Variants in AP3S2 observed in about 807,000 individuals in gnomAD.
AP3S2 encodes AP-3 complex subunit sigma-2.
A neutral mutation model predicts 23.4 loss-of-function variants in AP3S2; 22 were observed. The observed-to-expected ratio is 0.94, with a 90% confidence interval of 0.67 to 1.34. The LOEUF is 1.34. AP3S2 is among the 40% of genes most tolerant of loss of function. AP3S2 has a pLI of 0.00. For missense variants in AP3S2, 241 were observed against 236.9 expected (o/e 1.02, Z -0.11); for synonymous variants, 86 against 87.1 (o/e 0.99, Z 0.07).
chr15:89,842,056 G>A (rs1308064213), intron 4 of AP3S2, among the ~76,000 whole-genome samples: 6 of 152,052 alleles, frequency 3.9e-5, no homozygotes, highest in Non-Finnish European at 5.9e-5. Flanking sequence ...GTAGGGAGAC[G>A]AGAAGAGAAG....
At chr15:89,883,360 C>T (rs1896616616) in intron 3 of AP3S2, among the ~76,000 whole-genome samples, 1 of 151,834 alleles carries the variant, frequency 6.6e-6, no homozygotes, top group African/African-American at 2.4e-5. Flanking sequence ...TCACTCACTA[C>T]AAATGTTTGT....
chr15:89,891,645 T>C (rs7179633), intron 1 of AP3S2, among the ~76,000 whole-genome samples: 71,548 of 150,498 alleles, frequency 0.48, 17,213 homozygotes, highest in East Asian at 0.6. Context: ...TAGAGTGAGA[T>C]TCAGTCTCGG....
chr15:89,868,791 C>T (rs1896233775), intron 4 of AP3S2, among the ~76,000 whole-genome samples: 2 of 121,064 alleles, frequency 1.7e-5, no homozygotes, highest in Non-Finnish European at 1.7e-5. Flanking sequence ...CCCCTCTGCC[C>T]GGCCAGCCGC....
In AP3S2 at chr15:89,832,608, C is replaced by T. The variant is rs962985893; in HGVS notation, c.*2907G>A. 1 of 151,282 alleles carries T rather than the reference C, an allele frequency of 6.6e-6. No individual in the cohort carries two copies. The highest frequency in any genetic ancestry group is 1.5e-5 in the Non-Finnish European group (1 of 67,982). 9.4% of individuals were successfully genotyped at this position (151,282 alleles called of 1,614,324 possible). A position where few individuals can be genotyped will look rare whatever the true frequency, so the allele number is the denominator to read the frequency against. ...GGTTCATGCCATTCTCCTGCCGCAG[C>T]CTCCTGAGTAGCTGGGACTACAGGT... is the stretch of plus-strand genomic sequence containing the variant. On this transcript the variant is annotated 3_prime_UTR_variant, in exon 6 of 6. Coordinates refer to ENST00000336418, the MANE Select transcript of AP3S2 (RefSeq NM_005829.5).
At chr15:89,850,373 C>T (rs1380033506) in intron 4 of AP3S2, among the ~76,000 whole-genome samples, 1 of 152,196 alleles carries the variant, frequency 6.6e-6, no homozygotes, top group Non-Finnish European at 1.5e-5. Context: ...GGAGCCTTGT[C>T]TTACACATCA....
chr15:89,891,030 T>A (rs896694701), intron 1 of AP3S2, among the ~76,000 whole-genome samples: 4 of 152,188 alleles, frequency 2.6e-5, no homozygotes, highest in African/African-American at 9.7e-5. Flanking sequence ...ATACAAAACA[T>A]GCTAAGCATC....
At chr15:89,874,349 G>A (rs1306530126) in intron 3 of AP3S2, among the ~76,000 whole-genome samples, 1 of 152,138 alleles carries the variant, frequency 6.6e-6, no homozygotes, top group South Asian at 2.1e-4. Flanking sequence ...CTTCCCTAGC[G>A]AAATCTGTCT....
intron 3 of AP3S2, among the ~76,000 whole-genome samples, chr15:89,884,300 T>C (rs1313321823): frequency 6.6e-6 from 1 of 152,164 alleles, no homozygotes; most frequent in African/African-American, 2.4e-5. Context: ...CTTGCATTCT[T>C]GGGATAAATA....
intron 2 of AP3S2, 38 bp from the exon 3 acceptor site, chr15:89,888,670 A>C (rs756081022): frequency 1.9e-6 from 3 of 1,585,918 alleles, no homozygotes; most frequent in Non-Finnish European, 2.6e-6. Flanking sequence ...CCCACAGCTT[A>C]ATTAAACACA....
rs768291036 is a variant in AP3S2, at chr15:89,888,520, C to G, written c.273+1G>C. Reference sequence around the variant, plus strand: ...TGCCATCATTAGCTGACTACACATACCTGGATGAGGTCCAAGATTCCAAGT... The same window carrying G: ...TGCCATCATTAGCTGACTACACATAGCTGGATGAGGTCCAAGATTCCAAGT... On this transcript the variant is annotated splice_donor_variant, in intron 3 of 5. Coordinates refer to ENST00000336418, the MANE Select transcript of AP3S2 (RefSeq NM_005829.5). LOFTEE classifies it high-confidence loss of function. 2 of 1,614,036 alleles carry G rather than the reference C, an allele frequency of 1.2e-6. No homozygotes were observed. Among genetic ancestry groups the G allele is most frequent in the Admixed American group, 1.7e-5 (1 of 60,006 alleles).
At chr15:89,867,014 C>T (rs1298963388) in intron 4 of AP3S2, among the ~76,000 whole-genome samples, 1 of 122,086 alleles carries the variant, frequency 8.2e-6, no homozygotes, top group East Asian at 3.0e-4. Context: ...CCCCCTACCC[C>T]TCCCCCTCCC....
chr15:89,872,703 C>T (rs552353596), intron 3 of AP3S2, among the ~76,000 whole-genome samples: 6 of 152,312 alleles, frequency 3.9e-5, no homozygotes, highest in South Asian at 4.1e-4. Flanking sequence ...CACCCTGCAG[C>T]GGCTGCTGGG....
intron 4 of AP3S2, among the ~76,000 whole-genome samples, chr15:89,858,868 A>C (rs903586638): frequency 6.6e-6 from 1 of 152,210 alleles, no homozygotes; most frequent in African/African-American, 2.4e-5. Flanking sequence ...AACCAGTAAT[A>C]AGGAATGACT....
intron 4 of AP3S2, among the ~76,000 whole-genome samples, chr15:89,856,024 A>G (rs1325631318): frequency 6.6e-6 from 1 of 151,986 alleles, no homozygotes; most frequent in African/African-American, 2.4e-5. Context: ...ACTGAGGCAC[A>G]AAGAGGTCTT....
At chr15:89,872,286 T>G (rs1479340807) in intron 3 of AP3S2, among the ~76,000 whole-genome samples, 4 of 152,194 alleles carry the variant, frequency 2.6e-5, no homozygotes. Context: ...CTTCAAAACA[T>G]CTTCCCTTTT....
At chr15:89,878,444 T>C (rs1237817900) in intron 3 of AP3S2, 2 of 469,788 alleles carry the variant, frequency 4.3e-6, no homozygotes, top group African/African-American at 2.0e-5. Context: ...ACAAATATCG[T>C]AGACATTTCC....
chr15:89,868,840 C>T (rs1438298210), intron 4 of AP3S2, among the ~76,000 whole-genome samples: 8 of 136,970 alleles, frequency 5.8e-5, no homozygotes, highest in Non-Finnish European at 1.3e-4. Flanking sequence ...GCCCCCTGCC[C>T]GGCCAGCTGC....
At chr15:89,893,433 A>C (rs759269891) in intron 1 of AP3S2, 7 of 300,878 alleles carry the variant, frequency 2.3e-5, no homozygotes, top group Non-Finnish European at 4.2e-5. Context: ...GCCAACACTG[A>C]AGCAAAATAA....
intron 4 of AP3S2, among the ~76,000 whole-genome samples, chr15:89,868,622 C>A: frequency 8.3e-6 from 1 of 120,524 alleles, no homozygotes. Context: ...AGGGGCGCCT[C>A]TGCCCGGCCG....
Sources: gnomAD v4.1 joint callset for allele counts (sites outside exome capture counted in the v4.1 genomes callset) on GRCh38, gnomAD v4.1.1 for gene constraint, MANE v1.5 for transcripts, NCBI Gene and HGNC (gene_info 2026-07-23, HGNC 2026-07-21) for gene names.